PCDHA8: variants seen among roughly 807,000 people sequenced by gnomAD.
PCDHA8 encodes the protein protocadherin alpha 8.
Under a neutral mutation model 61.8 loss-of-function variants are expected in PCDHA8, and 53 were observed. That is an observed-to-expected ratio of 0.86 (90% CI 0.69 to 1.08). The LOEUF (loss-of-function observed/expected upper bound fraction) is 1.08, where lower values mean the gene tolerates loss of function less well. Ranked by LOEUF, PCDHA8 falls within the 50% of genes least tolerant of loss-of-function variation. The pLI is 0.00. For synonymous variants in PCDHA8, 618 were observed against 556.6 expected (o/e 1.11, Z -1.55); for missense variants, 1,293 against 1,245.0 (o/e 1.04, Z -0.58).
chr5:140,876,144 G>C (rs782301739), intron 1 of PCDHA8: 1 of 1,613,964 alleles, frequency 6.2e-7, no homozygotes, highest in South Asian at 1.1e-5. Context: ...AACTAACAGG[G>C]TCTGTCCAGA....
intron 1 of PCDHA8, among the ~76,000 whole-genome samples, chr5:140,886,846 AAG>A (rs1345370045): frequency 2.0e-5 from 3 of 151,444 alleles, no homozygotes; most frequent in Admixed American, 6.6e-5. Context: ...AAAAAAAAAA[AAG>A]AAAGGTCTTC....
chr5:140,951,141 T>G (rs2094552248), intron 1 of PCDHA8, among the ~76,000 whole-genome samples: 1 of 100,612 alleles, frequency 9.9e-6, no homozygotes, highest in Non-Finnish European at 2.0e-5. Context: ...TTCCTTTATC[T>G]TATTGAATAT....
chr5:140,882,143 C>A, intron 1 of PCDHA8: 2 of 1,494,048 alleles, frequency 1.3e-6, no homozygotes, highest in Admixed American at 2.3e-5. Context: ...GAAAATATAG[C>A]AGAAAGCGGA....
At chr5:140,982,713 A>G (rs2096998735) in intron 3 of PCDHA8, 150 bp downstream of exon 3, 2 of 1,373,774 alleles carry the variant, frequency 1.5e-6, no homozygotes, top group African/African-American at 1.5e-5. Flanking sequence ...CCTTACATAT[A>G]TGATTATTTT....
intron 1 of PCDHA8, chr5:140,849,907 G>A (rs2150457051): frequency 1.3e-6 from 2 of 1,598,320 alleles, no homozygotes; most frequent in East Asian, 4.5e-5. Flanking sequence ...AACCCGCCGG[G>A]CTGCCACATC....
intron 1 of PCDHA8, chr5:140,967,393 G>A (rs1437861925): frequency 1.2e-6 from 2 of 1,609,910 alleles, no homozygotes; most frequent in African/African-American, 2.7e-5. Flanking sequence ...TGCTTGAGCT[G>A]GTGCTGCGTA....
chr5:140,883,000 ATCCGT>A (rs1554176436), intron 1 of PCDHA8: 1 of 1,614,138 alleles, frequency 6.2e-7, no homozygotes, highest in Non-Finnish European at 8.5e-7. Flanking sequence ...AATTTTACCA[ATCCGT>A]TTATAAAGTG....
intron 1 of PCDHA8, chr5:140,926,635 C>A: frequency 2.3e-6 from 1 of 442,720 alleles, no homozygotes; most frequent in Non-Finnish European, 3.8e-6. Context: ...CTGCGCTCCT[C>A]AACACCCGGC....
At chr5:140,975,795 CT>C (rs1219508800) in intron 1 of PCDHA8, among the ~76,000 whole-genome samples, 2 of 151,168 alleles carry the variant, frequency 1.3e-5, no homozygotes, top group Non-Finnish European at 1.5e-5. Flanking sequence ...TAAATTAAAT[CT>C]TTTTTATAAT....
chr5:140,886,689 G>C (rs1267444522), intron 1 of PCDHA8, among the ~76,000 whole-genome samples: 5 of 152,022 alleles, frequency 3.3e-5, no homozygotes, highest in African/African-American at 1.2e-4. Flanking sequence ...AGCGAGGCAT[G>C]GTGGCACGCG....
intron 1 of PCDHA8, among the ~76,000 whole-genome samples, chr5:140,973,831 C>T (rs1212841510): frequency 1.3e-5 from 2 of 152,214 alleles, no homozygotes; most frequent in African/African-American, 4.8e-5. Flanking sequence ...GTTCTGGGTA[C>T]TTGCTTGTTG....
chr5:140,899,982 AT>A (rs1290251020), intron 1 of PCDHA8, among the ~76,000 whole-genome samples: 2 of 150,600 alleles, frequency 1.3e-5, no homozygotes, highest in African/African-American at 4.9e-5. Flanking sequence ...TACTTTTTTG[AT>A]TTTTTTTGTA....
At chr5:140,899,753 T>G (rs2067532965) in intron 1 of PCDHA8, among the ~76,000 whole-genome samples, 1 of 152,244 alleles carries the variant, frequency 6.6e-6, no homozygotes, top group African/African-American at 2.4e-5. Flanking sequence ...TCAGAAGGAA[T>G]GGTACCAGTT....
At chr5:140,908,728 C>T (rs2074119712) in intron 1 of PCDHA8, among the ~76,000 whole-genome samples, 1 of 152,202 alleles carries the variant, frequency 6.6e-6, no homozygotes, top group Non-Finnish European at 1.5e-5. Context: ...GGTCATATGG[C>T]TCGAGAAACA....
chr5:140,943,276 AAGAAAG>A (rs2093462778), intron 1 of PCDHA8, among the ~76,000 whole-genome samples: 3 of 135,982 alleles, frequency 2.2e-5, no homozygotes, highest in African/African-American at 8.7e-5. Flanking sequence ...AAAAAAAAAA[AAGAAAG>A]AAAGAATTAA....
intron 3 of PCDHA8, among the ~76,000 whole-genome samples, chr5:140,985,577 G>GC (rs1195077647): frequency 6.6e-6 from 1 of 152,116 alleles, no homozygotes; most frequent in Non-Finnish European, 1.5e-5. Flanking sequence ...TGGTGCCTAA[G>GC]CCTCCTTATA....
chr5:140,962,068 G>C (rs2095654419), intron 1 of PCDHA8, among the ~76,000 whole-genome samples: 1 of 151,882 alleles, frequency 6.6e-6, no homozygotes, highest in African/African-American at 2.4e-5. Context: ...GTATTTTTTA[G>C]TAGAGACGGG....
intron 1 of PCDHA8, chr5:140,883,659 T>A (rs2059734857): frequency 6.2e-7 from 1 of 1,612,766 alleles, no homozygotes. Flanking sequence ...ACGGTGTTCG[T>A]GAAGGAAAAC....
At chr5:140,856,540 C>T (rs1554148838) in intron 1 of PCDHA8, 1 of 1,598,278 alleles carries the variant, frequency 6.3e-7, no homozygotes, top group Non-Finnish European at 8.6e-7. Context: ...TTGGAGAGAA[C>T]GCATTGCTTA....
Sources: allele counts gnomAD v4.1 joint callset (sites outside exome capture counted in the v4.1 genomes callset), GRCh38; gene constraint gnomAD v4.1.1; transcripts MANE v1.5; gene names NCBI Gene and HGNC (gene_info 2026-07-23, HGNC 2026-07-21).